The following ADAMTS9 variants were observed in gnomAD, a reference collection of about 807,000 sequenced individuals.
The protein encoded by ADAMTS9 is ADAM metallopeptidase with thrombospondin type 1 motif 9, also known as A disintegrin and metalloproteinase with thrombospondin motifs 9.
ADAMTS9 carries 107 observed loss-of-function variants against 257.1 expected under a neutral mutation model. The ratio of observed to expected loss-of-function variants is 0.42; its 90% CI spans 0.36 to 0.49. The LOEUF (loss-of-function observed/expected upper bound fraction) is 0.49, where lower values mean the gene tolerates loss of function less well. ADAMTS9 is among the 20% of genes least tolerant of loss of function. ADAMTS9 has a pLI of 0.03. For missense variants in ADAMTS9, 2,353 were observed against 2,469.1 expected (o/e 0.95, Z 1.00); for synonymous variants, 982 against 880.9 (o/e 1.11, Z -2.03).
intron 28 of ADAMTS9, chr3:64,587,304 A>T (rs1259102947): frequency 6.6e-6 from 1 of 152,212 alleles, no homozygotes; most frequent in South Asian, 2.1e-4. Flanking sequence ...GGAACCCCTT[A>T]CATGTGGAAT....
At chr3:64,518,118 G>A (rs2082803676) in intron 39 of ADAMTS9, among the ~76,000 whole-genome samples, 1 of 152,156 alleles carries the variant, frequency 6.6e-6, no homozygotes, top group Non-Finnish European at 1.5e-5. Context: ...CCATGGTGTA[G>A]GGGGCAATGA....
intron 11 of ADAMTS9, among the ~76,000 whole-genome samples, chr3:64,644,836 C>A (rs937548942): frequency 6.6e-6 from 1 of 152,152 alleles, no homozygotes. Flanking sequence ...TTACTATAAA[C>A]ATTGGAACAA....
intron 29 of ADAMTS9, among the ~76,000 whole-genome samples, chr3:64,567,153 G>C (rs931525233): frequency 2.0e-5 from 3 of 152,164 alleles, no homozygotes; most frequent in African/African-American, 7.2e-5. Flanking sequence ...AATACATTCA[G>C]GTTTCTGAAG....
At chr3:64,613,608 C>T in intron 21 of ADAMTS9, 99 bp from the exon 22 acceptor site, 2 of 1,165,034 alleles carry the variant, frequency 1.7e-6, no homozygotes, top group Non-Finnish European at 2.3e-6. Context: ...TGTCCTTTTC[C>T]CACAGCAATC....
intron 3 of ADAMTS9, among the ~76,000 whole-genome samples, chr3:64,661,480 G>T (rs13099002): frequency 6.6e-6 from 1 of 151,934 alleles, no homozygotes; most frequent in Non-Finnish European, 1.5e-5. Context: ...GTATTTTCCC[G>T]ATGAGGAAAA....
chr3:64,616,230 A>C, intron 19 of ADAMTS9, 60 bp from the exon 20 acceptor site: 1 of 1,549,394 alleles, frequency 6.5e-7, no homozygotes, highest in South Asian at 1.1e-5. Flanking sequence ...CCTTATCTAT[A>C]GTCAACTGGT....
intron 28 of ADAMTS9, among the ~76,000 whole-genome samples, chr3:64,569,435 A>T (rs2083623546): frequency 6.6e-6 from 1 of 152,184 alleles, no homozygotes; most frequent in Non-Finnish European, 1.5e-5. Context: ...GAGGGAAATG[A>T]ATTTAAGAAT....
chr3:64,544,366 A>G (rs935434960), intron 32 of ADAMTS9, among the ~76,000 whole-genome samples: 2 of 152,186 alleles, frequency 1.3e-5, no homozygotes, highest in Admixed American at 6.5e-5. Context: ...TTCACACTAT[A>G]CTACAGGCTA....
chr3:64,519,310 G>T (rs1208505742), intron 39 of ADAMTS9, among the ~76,000 whole-genome samples: 1 of 152,080 alleles, frequency 6.6e-6, no homozygotes, highest in Non-Finnish European at 1.5e-5. Flanking sequence ...ATCCACCAGA[G>T]ACCTAATGAA....
Position 64,615,488 on chromosome 3 carries a change from G to T in ADAMTS9, c.3025-3C>A. On this transcript the variant is annotated splice_polypyrimidine_tract_variant and splice_region_variant and intron_variant, in intron 20 of 39. Transcript: ENST00000498707. The stretch of plus-strand genomic sequence containing the variant: ...CCACCGTCACAGCTTTTTGAACACT[G>T]TAGGGACAAAATAAATAAATAAAAC... 3 of 1,603,402 alleles carry T rather than the reference G, an allele frequency of 1.9e-6. No individual in the cohort carries two copies. Among genetic ancestry groups the T allele is most frequent in the Non-Finnish European group, 2.5e-6 (3 of 1,176,624 alleles).
chr3:64,644,017 A>G (rs1169953761), intron 11 of ADAMTS9, among the ~76,000 whole-genome samples: 1 of 152,182 alleles, frequency 6.6e-6, no homozygotes, highest in African/African-American at 2.4e-5. Context: ...GTCTGTTTCC[A>G]CAATCAAAAA....
chr3:64,558,702 G>A (rs1280199756), intron 30 of ADAMTS9, among the ~76,000 whole-genome samples: 5 of 152,106 alleles, frequency 3.3e-5, no homozygotes, highest in Admixed American at 1.3e-4. Context: ...ACAAACTGGT[G>A]GGTTTTAATA....
chr3:64,531,859 G>A (rs2082985648), intron 38 of ADAMTS9, among the ~76,000 whole-genome samples: 1 of 152,224 alleles, frequency 6.6e-6, no homozygotes, highest in Non-Finnish European at 1.5e-5. Flanking sequence ...GCTGAGATGG[G>A]ACGGGAGAAA....
At position 64,604,323 on chromosome 3, in the gene ADAMTS9, T is replaced by G. The variant is rs369352168; in HGVS notation, c.3483A>C (p.Glu1161Asp). 38 of 1,610,012 alleles carry G rather than the reference T, an allele frequency of 2.4e-5. No homozygotes were observed. The African/African-American group carries it at 5.0e-4, about 21-fold the overall frequency. Reference protein sequence around the residue: ...ATRPTDTQDCELPSCHPPPAA... With the variant: ...ATRPTDTQDCDLPSCHPPPAA... The stretch of plus-strand genomic sequence containing the variant: ...CTGGGGGAGGATGACATGATGGTAA[T>G]TCACAGTCCTAGACGTGATGGGGGA... Residue 1161 changes from glutamate to aspartate, a missense_variant, in exon 24 of 40, where the codon GAA becomes GAC. Transcript: ENST00000498707.
At chr3:64,526,487 T>C (rs537132779) in intron 38 of ADAMTS9, among the ~76,000 whole-genome samples, 3 of 152,326 alleles carry the variant, frequency 2.0e-5, no homozygotes, top group Admixed American at 1.3e-4. Context: ...AGGCCTGTGG[T>C]AGTTCTGGAG....
chr3:64,594,445 G>A lies in ADAMTS9; in HGVS notation c.4180-11C>T. 1 of 1,604,818 alleles carries A rather than the reference G, an allele frequency of 6.2e-7. No homozygotes were observed. The highest frequency in any genetic ancestry group is 8.5e-7 in the Non-Finnish European group (1 of 1,175,714). On this transcript the variant is annotated splice_polypyrimidine_tract_variant and intron_variant, in intron 27 of 39. Transcript: ENST00000498707. ...ACACAGCTTAGTGCACTGGAAGAAG[G>A]AAAAGGAAGGCTGCAGTTATTTTGT... is the stretch of plus-strand genomic sequence containing the variant.
intron 3 of ADAMTS9, among the ~76,000 whole-genome samples, chr3:64,676,249 A>C (rs572900894): frequency 6.6e-6 from 1 of 152,346 alleles, no homozygotes; most frequent in South Asian, 2.1e-4. Context: ...CTAAGAGACC[A>C]AAATGTGGCT....
In ADAMTS9 at chr3:64,551,043, T is replaced by TCGC. The variant is rs2083265022; in HGVS notation, c.4715_4717dup (p.Gly1572dup). The stretch of plus-strand genomic sequence containing the variant: ...CACCACCTTGCGGTACCTGGAGCCT[T>TCGC]CGCCGCAGGTCTTGGTGCACTGTTA... On this transcript the variant is annotated inframe_insertion, in exon 31 of 40. Transcript: ENST00000498707. The TCGC allele has an allele frequency of 6.2e-7, 1 of 1,614,090 alleles. No individual in the cohort carries two copies. Among genetic ancestry groups the TCGC allele is most frequent in the Admixed American group, 1.7e-5 (1 of 60,004 alleles).
At chr3:64,558,447 T>G (rs1411823306) in intron 30 of ADAMTS9, among the ~76,000 whole-genome samples, 1 of 152,136 alleles carries the variant, frequency 6.6e-6, no homozygotes, top group Non-Finnish European at 1.5e-5. Context: ...TTTATTATTT[T>G]TATTATCTTC....
Sources: gnomAD v4.1 joint callset for allele counts (sites outside exome capture counted in the v4.1 genomes callset) on GRCh38, gnomAD v4.1.1 for gene constraint, MANE v1.5 for transcripts, NCBI Gene and HGNC (gene_info 2026-07-23, HGNC 2026-07-21) for gene names.